The following EEPD1 variants were observed in gnomAD, a reference collection of about 807,000 sequenced individuals.
The protein encoded by EEPD1 is endonuclease/exonuclease/phosphatase family domain containing 1.
EEPD1 carries 17 observed loss-of-function variants against 46.3 expected under a neutral mutation model. The observed-to-expected ratio is 0.37, with a 90% CI of 0.25 to 0.55. The LOEUF is 0.55. EEPD1 is among the 20% of genes least tolerant of loss of function. The pLI, the probability that EEPD1 is intolerant of heterozygous loss-of-function variation, is 0.83. For synonymous variants in EEPD1, 313 were observed against 315.6 expected (o/e 0.99, Z 0.09); for missense variants, 673 against 745.6 (o/e 0.90, Z 1.13).
chr7:36,299,322 A>C lies in EEPD1; in HGVS notation c.*116A>C. 8.0e-7 allele frequency: 1 copy of C among 1,249,770 alleles called. No homozygotes were observed. Among genetic ancestry groups the C allele is most frequent in the Non-Finnish European group, 1.1e-6 (1 of 908,264 alleles). The allele number at this position is 1,249,770 out of a possible 1,614,324, so 77.4% of individuals were successfully genotyped here. On this transcript the variant is annotated 3_prime_UTR_variant, in exon 8 of 8. Transcript: ENST00000242108. ...TTTTAATTTTTATTCTCAGAGCATC[A>C]GCACTTGAGGCCTTGCCCCACGCCT...
intron 2 of EEPD1, among the ~76,000 whole-genome samples, chr7:36,186,443 A>T (rs1231710394): frequency 6.6e-6 from 1 of 152,138 alleles, no homozygotes; most frequent in Non-Finnish European, 1.5e-5. Context: ...AGCAGGGTTC[A>T]TTTCTCTGGC....
intron 2 of EEPD1, among the ~76,000 whole-genome samples, chr7:36,186,313 A>G (rs1275587780): frequency 6.6e-6 from 1 of 152,104 alleles, no homozygotes; most frequent in Non-Finnish European, 1.5e-5. Context: ...AGGGTTTACA[A>G]TAAACGATGG....
At chr7:36,168,757 C>CAA (rs370164080) in intron 2 of EEPD1, among the ~76,000 whole-genome samples, 41,213 of 131,224 alleles carry the variant, frequency 0.31, 6,551 homozygotes, top group African/African-American at 0.44. Context: ...GACTCTGTCT[C>CAA]AAAAAAAAAA....
chr7:36,248,209 CTT>C (rs112763432), intron 3 of EEPD1, among the ~76,000 whole-genome samples: 3 of 144,976 alleles, frequency 2.1e-5, no homozygotes, highest in African/African-American at 5.0e-5. Flanking sequence ...CTTTAAGATA[CTT>C]TTTTTTTTTT....
chr7:36,231,654 C>A (rs909902543), intron 2 of EEPD1, among the ~76,000 whole-genome samples: 17 of 152,280 alleles, frequency 1.1e-4, no homozygotes, highest in African/African-American at 3.8e-4. Flanking sequence ...TCTTGTCCCC[C>A]AGACACACGG....
At chr7:36,239,210 CA>C (rs917466383) in intron 3 of EEPD1, among the ~76,000 whole-genome samples, 174 bp downstream of exon 3, 1 of 152,146 alleles carries the variant, frequency 6.6e-6, no homozygotes, top group Non-Finnish European at 1.5e-5. Flanking sequence ...ACCTTGCTGA[CA>C]TTGTGTTCAC....
intron 2 of EEPD1, among the ~76,000 whole-genome samples, chr7:36,216,258 C>A (rs1786028405): frequency 1.3e-5 from 2 of 152,198 alleles, no homozygotes; most frequent in South Asian, 2.1e-4. Context: ...GCTTAGAGGA[C>A]CTTTCCATGT....
chr7:36,278,306 G>T (rs757167242), intron 3 of EEPD1, among the ~76,000 whole-genome samples: 1 of 152,190 alleles, frequency 6.6e-6, no homozygotes, highest in Non-Finnish European at 1.5e-5. Flanking sequence ...TGGGGTTTGG[G>T]TATGAATGGG....
chr7:36,158,647 A>C (rs888855455), intron 2 of EEPD1, among the ~76,000 whole-genome samples: 1 of 152,228 alleles, frequency 6.6e-6, no homozygotes, highest in Non-Finnish European at 1.5e-5. Flanking sequence ...GACAGGTTTC[A>C]TTAGATTATT....
At chr7:36,171,375 A>T (rs1008221695) in intron 2 of EEPD1, among the ~76,000 whole-genome samples, 6 of 152,262 alleles carry the variant, frequency 3.9e-5, no homozygotes, top group African/African-American at 1.4e-4. Context: ...ACCAAAAAAC[A>T]TATATGGTGA....
At chr7:36,160,608 C>T (rs1166148724) in intron 2 of EEPD1, among the ~76,000 whole-genome samples, 1 of 143,306 alleles carries the variant, frequency 7.0e-6, no homozygotes, top group Non-Finnish European at 1.5e-5. Flanking sequence ...AGGAGGAGGC[C>T]ACAGAAGGTT....
chr7:36,287,922 C>A, intron 6 of EEPD1, 145 bp downstream of exon 6: 2 of 1,170,074 alleles, frequency 1.7e-6, no homozygotes, highest in East Asian at 2.6e-5. Context: ...CCTCTGGCAT[C>A]TCATGGAGCC....
intron 3 of EEPD1, among the ~76,000 whole-genome samples, chr7:36,249,470 C>T (rs1302107999): frequency 6.6e-6 from 1 of 152,106 alleles, no homozygotes; most frequent in African/African-American, 2.4e-5. Flanking sequence ...CACGCTATGG[C>T]ATGCTTTATA....
At chr7:36,159,798 CA>C (rs1784874876) in intron 2 of EEPD1, among the ~76,000 whole-genome samples, 1 of 152,186 alleles carries the variant, frequency 6.6e-6, no homozygotes, top group South Asian at 2.1e-4. Context: ...AGAGCCAATC[CA>C]AAAGGCGTCA....
At chr7:36,201,639 C>G (rs1378365354) in intron 2 of EEPD1, among the ~76,000 whole-genome samples, 2 of 152,180 alleles carry the variant, frequency 1.3e-5, no homozygotes, top group East Asian at 3.9e-4. Flanking sequence ...ATACTCCCTT[C>G]CTACTGCCTT....
chr7:36,254,106 A>G (rs114638678), intron 3 of EEPD1, among the ~76,000 whole-genome samples: 5 of 152,164 alleles, frequency 3.3e-5, no homozygotes, highest in African/African-American at 9.6e-5. Flanking sequence ...TTATTTTCTT[A>G]GTGATTGAGC....
At chr7:36,207,888 GTTTTTTTTTT>G (rs35062290) in intron 2 of EEPD1, among the ~76,000 whole-genome samples, 3 of 122,184 alleles carry the variant, frequency 2.5e-5, no homozygotes, top group Admixed American at 8.3e-5. Context: ...CAGTGCAGGA[GTTTTTTTTTT>G]TTTTTTTTTT....
intron 3 of EEPD1, among the ~76,000 whole-genome samples, chr7:36,259,798 G>A (rs1364699414): frequency 1.3e-5 from 2 of 152,190 alleles, no homozygotes; most frequent in Non-Finnish European, 1.5e-5. Context: ...TTACAGGCAT[G>A]AGCCACCATG....
intron 2 of EEPD1, among the ~76,000 whole-genome samples, chr7:36,236,999 C>G (rs1786460342): frequency 6.6e-6 from 1 of 152,216 alleles, no homozygotes; most frequent in South Asian, 2.1e-4. Context: ...TACTGCTGCT[C>G]CCTCTTTGGT....
Sources: gnomAD v4.1 joint callset for allele counts (sites outside exome capture counted in the v4.1 genomes callset) on GRCh38, gnomAD v4.1.1 for gene constraint, MANE v1.5 for transcripts, NCBI Gene and HGNC (gene_info 2026-07-23, HGNC 2026-07-21) for gene names.